Variants in EDF1 observed in about 807,000 individuals in gnomAD.
EDF1 encodes endothelial differentiation related factor 1, also known as endothelial differentiation-related factor 1.
A neutral mutation model predicts 20.8 loss-of-function variants in EDF1; 5 were observed. The observed-to-expected ratio is 0.24, with a 90% CI of 0.13 to 0.51. EDF1 has a LOEUF of 0.51. Ranked by LOEUF, EDF1 falls within the 20% of genes least tolerant of loss-of-function variation. The pLI is 0.97. For missense variants in EDF1, 137 were observed against 197.8 expected, an observed-to-expected ratio of 0.69 and a Z score of 1.84; for synonymous variants, 96 against 78.5, an observed-to-expected ratio of 1.22 and a Z score of -1.18.
Position 136,862,173 on chromosome 9 carries a change from C to A in EDF1, c.*111G>T. The A allele has an allele frequency of 7.1e-7, 1 of 1,409,168 alleles. No individual in the cohort carries two copies. Among genetic ancestry groups the A allele is most frequent in the Non-Finnish European group, 1.0e-6 (1 of 1,002,404 alleles). 87.3% of individuals were successfully genotyped at this position (1,409,168 alleles called of 1,614,324 possible). ...CAGGAATGGGCTGGGGAGGGTCCCC[C>A]GCAAGCTGGACCCCTTGTTCCGTTC... On this transcript the variant is annotated 3_prime_UTR_variant, in exon 5 of 5. Transcript: ENST00000224073. This position sits in a 1 kb window ranked among gnomAD's most constrained non-coding sequence, Gnocchi z 4.1.
chr9:136,865,569 C>T (rs1185423536), intron 1 of EDF1, among the ~76,000 whole-genome samples: 2 of 149,546 alleles, frequency 1.3e-5, no homozygotes, highest in Non-Finnish European at 3.0e-5. Context: ...CCAGCCCTAT[C>T]CCAACCCCAA....
In EDF1 at chr9:136,863,910, T is replaced by C. The variant is rs768779882; in HGVS notation, c.79-39A>G. The C allele has an allele frequency of 6.2e-7, 1 of 1,610,422 alleles. No homozygotes were observed. Among genetic ancestry groups the C allele is most frequent in the East Asian group, 2.2e-5 (1 of 44,862 alleles). ...AAACATCAGTGGATCAAAATTAGCT[T>C]TGACAGTATCCAGCACACACCAATT... is the stretch of plus-strand genomic sequence containing the variant. On this transcript the variant is annotated intron_variant, in intron 1 of 4. Coordinates refer to ENST00000224073, the MANE Select transcript of EDF1 (RefSeq NM_003792.4). This position sits in a 1 kb window ranked among gnomAD's most constrained non-coding sequence, Gnocchi z 4.5.
intron 1 of EDF1, among the ~76,000 whole-genome samples, chr9:136,865,221 C>T (rs1849191538): frequency 6.6e-6 from 1 of 152,116 alleles, no homozygotes; most frequent in South Asian, 2.1e-4. Context: ...CTCCCTATTA[C>T]ATCAGACTCA....
At chr9:136,864,790 AT>A (rs1466072236) in intron 1 of EDF1, among the ~76,000 whole-genome samples, 6 of 151,834 alleles carry the variant, frequency 4.0e-5, no homozygotes, top group Admixed American at 3.9e-4. Flanking sequence ...TGCCTGGCTA[AT>A]TTTTTGTATT....
chr9:136,862,910 G>A lies in EDF1; in HGVS notation c.381C>T (p.Ala127=). The A allele has an allele frequency of 1.9e-6, 3 of 1,613,594 alleles. No individual in the cohort carries two copies. Among genetic ancestry groups the A allele is most frequent in the Non-Finnish European group, 2.5e-6 (3 of 1,180,036 alleles). The stretch of plus-strand genomic sequence containing the variant: ...GAAGGGTGGAGGGACACTCACCAAT[G>A]GCCCGCTCGATTTTGCCAAGCACCT... ...NNQVLGKIER[A]IGLKLRGKDI... Residue 127 remains alanine, a synonymous_variant, in exon 4 of 5, where the codon GCC becomes GCT. Coordinates refer to ENST00000224073, the MANE Select transcript of EDF1 (RefSeq NM_003792.4). The surrounding 1 kb of genome is among the most constrained non-coding windows in gnomAD (Gnocchi z 4.1).
In EDF1 at chr9:136,863,908, C is replaced by G; in HGVS notation, c.79-37G>C. On this transcript the variant is annotated intron_variant, in intron 1 of 4. Coordinates refer to ENST00000224073, the MANE Select transcript of EDF1 (RefSeq NM_003792.4). The surrounding 1 kb of genome is among the most constrained non-coding windows in gnomAD (Gnocchi z 4.5). ...GAAAACATCAGTGGATCAAAATTAG[C>G]TTTGACAGTATCCAGCACACACCAA... 1 of 1,611,020 alleles carries G rather than the reference C, an allele frequency of 6.2e-7. No individual in the cohort carries two copies. Among genetic ancestry groups the G allele is most frequent in the Non-Finnish European group, 8.5e-7 (1 of 1,178,194 alleles).
rs577541113 is a variant in EDF1 at position 136,863,104 on chromosome 9, C to A, written c.292-105G>T. On this transcript the variant is annotated intron_variant, in intron 3 of 4. Coordinates refer to ENST00000224073, the MANE Select transcript of EDF1 (RefSeq NM_003792.4). This position sits in a 1 kb window ranked among gnomAD's most constrained non-coding sequence, Gnocchi z 4.5. ...AGCAGCTTCTAGGGCCCCTGGGGTA[C>A]GCACCCACACGCAGCTGGGTTTTGT... The A allele has an allele frequency of 5.3e-6, 8 of 1,521,444 alleles. No individual in the cohort carries two copies. The African/African-American group carries it at 9.6e-5, about 18-fold the overall frequency. The allele number at this position is 1,521,444 out of a possible 1,614,324, so 94.2% of individuals were successfully genotyped here.
In EDF1 at chr9:136,864,272, A is replaced by ATT. The variant is rs530718830; in HGVS notation, c.79-403_79-402dup. On this transcript the variant is annotated intron_variant, in intron 1 of 4. Coordinates refer to ENST00000224073, the MANE Select transcript of EDF1 (RefSeq NM_003792.4). ...TGCTGTTGAGAAAGACACACTAGGG[A>ATT]TTTTTTTTTTTTTTTTTTAGAGTTG... Among the ~76,000 whole-genome samples the ATT allele has an allele frequency of 7.9e-3, 1,071 of 135,026 alleles. 11 individuals carry two copies. The highest frequency in any genetic ancestry group is 0.022 in the African/African-American group (813 of 36,960). The allele number at this position is 135,026 out of a possible 152,430, so 88.6% of individuals were successfully genotyped here. A position where few individuals can be genotyped will look rare whatever the true frequency, so the allele number is the denominator to read the frequency against.
chr9:136,862,435 G>T lies in EDF1; in HGVS notation c.386-90C>A. ...TCTTCAACATCTTCCCAGGGAAGGG[G>T]GGCCACGCCGCTCCCGTGCCTCACT... On this transcript the variant is annotated intron_variant, in intron 4 of 4. Transcript: ENST00000224073. The surrounding 1 kb of genome is among the most constrained non-coding windows in gnomAD (Gnocchi z 4.1). The T allele has an allele frequency of 6.2e-7, 1 of 1,613,636 alleles. No individual in the cohort carries two copies. The highest frequency in any genetic ancestry group is 8.5e-7 in the Non-Finnish European group (1 of 1,179,952).
rs375025466 is a variant in EDF1, at chr9:136,862,451, G to C, written c.386-106C>G. ...AGGGAAGGGGGGCCACGCCGCTCCC[G>C]TGCCTCACTGGGCTCTCAGCACACG... On this transcript the variant is annotated intron_variant, in intron 4 of 4. Coordinates refer to ENST00000224073, the MANE Select transcript of EDF1 (RefSeq NM_003792.4). The surrounding 1 kb of genome is among the most constrained non-coding windows in gnomAD (Gnocchi z 4.1). The C allele has an allele frequency of 1.9e-6, 3 of 1,613,354 alleles. No homozygotes were observed. The highest frequency in any genetic ancestry group is 2.2e-5 in the East Asian group (1 of 44,880).
At chr9:136,864,138 C>A (rs1052186923) in intron 1 of EDF1, among the ~76,000 whole-genome samples, 1 of 152,130 alleles carries the variant, frequency 6.6e-6, no homozygotes, top group African/African-American at 2.4e-5. Context: ...AAGATCCTGT[C>A]TCTACAAACA....
rs765041992 is a variant in EDF1, at chr9:136,866,261, CG to C, written c.-4del. Reference sequence around the variant, plus strand: ...GTGTCCCAGTCGCTCTCGGCCATGGCGGGCGAAGACGAGCGTCCGTCCGGCG... The same window carrying C: ...GTGTCCCAGTCGCTCTCGGCCATGGCGGCGAAGACGAGCGTCCGTCCGGCG... On this transcript the variant is annotated 5_prime_UTR_variant, in exon 1 of 5. Transcript: ENST00000224073. 3.8e-6 allele frequency: 6 copies of C among 1,594,870 alleles called. No individual in the cohort carries two copies. Among genetic ancestry groups the C allele is most frequent in the Non-Finnish European group, 5.1e-6 (6 of 1,173,914 alleles).
chr9:136,862,143 G>C lies in EDF1; in HGVS notation c.*141C>G. ...GCGCTTTGCAAGGTTTTGTTTGTTTGACAGCAGGAATGGGCTGGGGAGGGT... is the reference window on the plus strand; with the variant it reads ...GCGCTTTGCAAGGTTTTGTTTGTTTCACAGCAGGAATGGGCTGGGGAGGGT... On this transcript the variant is annotated 3_prime_UTR_variant, in exon 5 of 5. Coordinates refer to ENST00000224073, the MANE Select transcript of EDF1 (RefSeq NM_003792.4). The surrounding 1 kb of genome is among the most constrained non-coding windows in gnomAD (Gnocchi z 4.1). The C allele has an allele frequency of 9.3e-7, 1 of 1,073,884 alleles. No individual in the cohort carries two copies. The allele number at this position is 1,073,884 out of a possible 1,614,324, so 66.5% of individuals were successfully genotyped here. A position where few individuals can be genotyped will look rare whatever the true frequency, so the allele number is the denominator to read the frequency against.
chr9:136,865,340 C>A (rs150009544), intron 1 of EDF1, among the ~76,000 whole-genome samples: 11 of 152,216 alleles, frequency 7.2e-5, no homozygotes, highest in South Asian at 4.2e-4. Flanking sequence ...CTCATGGGGT[C>A]CCCTGAAGCA....
Position 136,863,270 on chromosome 9 carries a change from GC to G in EDF1, c.291+17del. The G allele has an allele frequency of 6.2e-7, 1 of 1,606,344 alleles. No homozygotes were observed. On this transcript the variant is annotated intron_variant, in intron 3 of 4. Coordinates refer to ENST00000224073, the MANE Select transcript of EDF1 (RefSeq NM_003792.4). This position sits in a 1 kb window ranked among gnomAD's most constrained non-coding sequence, Gnocchi z 4.5. Reference sequence around the variant, plus strand: ...CAAACCCACAACCCCAGGAGTGAGAGCCCCGGCGCAGCCTCACCGTGGCCAG... The same window carrying G: ...CAAACCCACAACCCCAGGAGTGAGAGCCCGGCGCAGCCTCACCGTGGCCAG...
chr9:136,863,833 C>T lies in EDF1; in HGVS notation c.117G>A (p.Glu39=), dbSNP rs755733596. ...LAAQRRGEDV[E]TSKKWAAGQN... ...ACAAGTACCTACATTTCTTGGAAGT[C>T]TCCACATCTTCTCCTCGTCTCTGTG... The change falls in exon 2 of 5, where the codon GAG becomes GAA. Residue 39 remains glutamate (E), a synonymous_variant. Coordinates refer to ENST00000224073, the MANE Select transcript of EDF1 (RefSeq NM_003792.4). This position sits in a 1 kb window ranked among gnomAD's most constrained non-coding sequence, Gnocchi z 4.5. The T allele has an allele frequency of 1.7e-5, 28 of 1,613,834 alleles. No individual in the cohort carries two copies. Among genetic ancestry groups the T allele is most frequent in the East Asian group, 2.2e-5 (1 of 44,898 alleles).
Position 136,863,552 on chromosome 9 carries a change from G to C in EDF1, c.131-104C>G. On this transcript the variant is annotated intron_variant, in intron 2 of 4. Coordinates refer to ENST00000224073, the MANE Select transcript of EDF1 (RefSeq NM_003792.4). This position sits in a 1 kb window ranked among gnomAD's most constrained non-coding sequence, Gnocchi z 4.5. ...GACCCCAGAGGCTGCCTGAACTCAA[G>C]GGGACATGGGAACCCAGGCTGTCCC... The C allele has an allele frequency of 7.0e-7, 1 of 1,423,030 alleles. No individual in the cohort carries two copies. 88.2% of individuals were successfully genotyped at this position (1,423,030 alleles called of 1,614,324 possible).
At position 136,862,888 on chromosome 9, in the gene EDF1, G is replaced by T; in HGVS notation, c.385+18C>A. ...CTCCCTGTTCAGCGGACCCGGCGAA[G>T]GGTGGAGGGACACTCACCAATGGCC... On this transcript the variant is annotated intron_variant, in intron 4 of 4. Transcript: ENST00000224073. The surrounding 1 kb of genome is among the most constrained non-coding windows in gnomAD (Gnocchi z 4.1). The T allele has an allele frequency of 3.7e-6, 6 of 1,613,014 alleles. No homozygotes were observed. Among genetic ancestry groups the T allele is most frequent in the Non-Finnish European group, 4.2e-6 (5 of 1,180,018 alleles).
chr9:136,866,121 C>T (rs1273041386), intron 1 of EDF1, 60 bp downstream of exon 1: 2 of 1,530,960 alleles, frequency 1.3e-6, no homozygotes, highest in East Asian at 5.2e-5. Flanking sequence ...CCCCACGGTC[C>T]GTGGCCCCGG....
Sources: gnomAD v4.1 joint callset for allele counts (sites outside exome capture counted in the v4.1 genomes callset) on GRCh38, gnomAD v4.1.1 for gene constraint, Gnocchi (gnomAD v3.1) non-coding constraint, MANE v1.5 for transcripts, NCBI Gene and HGNC (gene_info 2026-07-23, HGNC 2026-07-21) for gene names.